The following CAPN15 variants were observed in gnomAD, a reference collection of about 807,000 sequenced individuals.
CAPN15 encodes the protein calpain 15.
A neutral mutation model predicts 97.9 loss-of-function variants in CAPN15; 53 were observed. That is an observed-to-expected ratio of 0.54 (90% CI 0.43 to 0.68). CAPN15 has a LOEUF of 0.68. Ranked by LOEUF, CAPN15 falls within the 30% of genes least tolerant of loss-of-function variation. The pLI is 0.00. For synonymous variants in CAPN15, 922 were observed against 722.5 expected (o/e 1.28, Z -4.43); for missense variants, 1,592 against 1,589.8 (o/e 1.00, Z -0.02).
At chr16:537,326 G>A in intron 3 of CAPN15, 1 of 985,552 alleles carries the variant, frequency 1.0e-6, no homozygotes, top group Non-Finnish European at 1.2e-6. Context: ...TGCCCTGGGT[G>A]CAGCTGGGCA....
chr16:537,142 C>T (rs1168650263), intron 3 of CAPN15: 4 of 985,394 alleles, frequency 4.1e-6, no homozygotes, highest in Non-Finnish European at 4.8e-6. Context: ...AGGGTCCTCT[C>T]TTCTCTTCCG....
Position 551,386 on chromosome 16 carries a change from T to G in CAPN15, c.2151T>G (p.His717Gln). 1 of 1,610,624 alleles carries G rather than the reference T, an allele frequency of 6.2e-7. No homozygotes were observed. The highest frequency in any genetic ancestry group is 8.5e-7 in the Non-Finnish European group (1 of 1,178,842). ...AGAGCCTGGGCCTGCGCCCCCGGCA[T>G]GCCTACTCCATCCTGGATGTCCGAG... The part of the protein sequence containing the change: ...AYESLGLRPR[H>Q]AYSILDVRDV... Residue 717 changes from histidine (H) to glutamine (Q), a missense_variant, in exon 8 of 14, where the codon CAT becomes CAG. Transcript: ENST00000219611.
chr16:549,884 C>A, intron 7 of CAPN15, 46 bp downstream of exon 7: 1 of 1,426,784 alleles, frequency 7.0e-7, no homozygotes, highest in Non-Finnish European at 9.6e-7. Context: ...GGAGGAGAGG[C>A]GAGGCGGAGC....
chr16:550,529 G>A (rs574205229), intron 7 of CAPN15, among the ~76,000 whole-genome samples: 7 of 152,362 alleles, frequency 4.6e-5, no homozygotes, highest in South Asian at 2.1e-4. Context: ...CGCGGCCAGC[G>A]AGGGCACTGG....
Position 535,625 on chromosome 16 carries a change from C to T in CAPN15, c.-136-404C>T, listed in dbSNP as rs922978054. Among the ~76,000 whole-genome samples, 3 of 152,190 alleles carry T rather than the reference C, an allele frequency of 2.0e-5. No homozygotes were observed. The highest frequency in any genetic ancestry group is 4.4e-5 in the Non-Finnish European group (3 of 68,018). On this transcript the variant is annotated intron_variant, in intron 2 of 13. Transcript: ENST00000219611. The surrounding 1 kb of genome is among the most constrained non-coding windows in gnomAD (Gnocchi z 6.2). Reference sequence around the variant, plus strand: ...CTTGTGGGGGTCAGGCATGGATCCACACAGCCCGGGGCCCTCCGCACCCTG... The same window carrying T: ...CTTGTGGGGGTCAGGCATGGATCCATACAGCCCGGGGCCCTCCGCACCCTG...
chr16:551,309 A>C lies in CAPN15; in HGVS notation c.2074A>C (p.Met692Leu), dbSNP rs767502397. 5 of 1,602,470 alleles carry C rather than the reference A, an allele frequency of 3.1e-6. No individual in the cohort carries two copies. The South Asian group carries it at 4.4e-5, about 14-fold the overall frequency. Residue 692 changes from methionine to leucine, a missense_variant, in exon 8 of 14, where the codon ATG becomes CTG. Met to Leu is a conservative substitution (Grantham distance 15). Transcript: ENST00000219611. ...MLSSKEAGFL[M>L]GASCGGGNMK... is the part of the protein sequence containing the mutation. ...GGCCGCTCTGCCACACAGGTTCCTC[A>C]TGGGTGCCTCCTGTGGCGGGGGCAA...
chr16:541,759 G>A (rs1465782765), intron 3 of CAPN15, among the ~76,000 whole-genome samples: 2 of 152,250 alleles, frequency 1.3e-5, no homozygotes, highest in Non-Finnish European at 2.9e-5. Context: ...ACAGCATCCC[G>A]CAGCCCAGAG....
intron 5 of CAPN15, 40 bp downstream of exon 5, chr16:549,241 GGC>G: frequency 2.2e-6 from 1 of 448,088 alleles, no homozygotes; most frequent in Non-Finnish European, 4.5e-6. Flanking sequence ...CGGGTGGGCG[GGC>G]GACCGGCCGC....
At position 552,203 on chromosome 16, in the gene CAPN15, A is replaced by AG. The variant is rs2035136161; in HGVS notation, c.2501dup (p.Ser835GlnfsTer39). On this transcript the variant is annotated frameshift_variant, in exon 10 of 14. Transcript: ENST00000219611. LOFTEE classifies it high-confidence loss of function. This position sits in a 1 kb window ranked among gnomAD's most constrained non-coding sequence, Gnocchi z 6.4. ...TCGCTGGAGTTCGCGCTCTTCCAGG[A>AG]GGGCAGCAGGTGGGTGCTGCGGGGC... The AG allele has an allele frequency of 1.3e-6, 2 of 1,533,792 alleles. No individual in the cohort carries two copies. Among genetic ancestry groups the AG allele is most frequent in the Non-Finnish European group, 1.8e-6 (2 of 1,137,746 alleles).
At chr16:548,915 C>G in intron 4 of CAPN15, 78 bp from the exon 5 acceptor site, 1 of 1,374,644 alleles carries the variant, frequency 7.3e-7, no homozygotes, top group Non-Finnish European at 1.0e-6. Context: ...TGGGCGCTCT[C>G]CTGGGTGGGG....
intron 4 of CAPN15, among the ~76,000 whole-genome samples, chr16:548,516 C>T (rs1383761903): frequency 6.6e-6 from 1 of 152,234 alleles, no homozygotes; most frequent in Non-Finnish European, 1.5e-5. Context: ...CGACCTTCAC[C>T]CCCCTCAACC....
At position 547,266 on chromosome 16, in the gene CAPN15, C is replaced by G. The variant is rs112599163; in HGVS notation, c.428C>G (p.Pro143Arg). The G allele has an allele frequency of 6.4e-3, 9,651 of 1,509,252 alleles. 493 individuals carry two copies. In the African/African-American group the frequency reaches 0.12, roughly 18 times the overall value. 93.5% of individuals were successfully genotyped at this position (1,509,252 alleles called of 1,614,324 possible). ...EQEEEEGAAEPRGGWACPRCT... is the reference protein window; with the variant it reads ...EQEEEEGAAERRGGWACPRCT... Reference sequence around the variant, plus strand: ...GAGGAGGAGGAGGGAGCGGCGGAGCCCAGAGGGGGCTGGGCGTGTCCGCGT... The same window carrying G: ...GAGGAGGAGGAGGGAGCGGCGGAGCGCAGAGGGGGCTGGGCGTGTCCGCGT... The change falls in exon 4 of 14, where the codon CCC (proline) becomes CGC (arginine). Residue 143 changes from proline (P) to arginine (R), a missense_variant. Pro to Arg is a moderately radical substitution (Grantham distance 103, BLOSUM62 -2). This residue lies in a region of CAPN15 where 883 missense variants were observed against 776.6 expected (regional missense o/e 1.14). Transcript: ENST00000219611.
rs999125580 is a variant in CAPN15, at chr16:535,580, C to T, written c.-136-449C>T. Among the ~76,000 whole-genome samples, 3 of 152,102 alleles carry T rather than the reference C, an allele frequency of 2.0e-5. No homozygotes were observed. Among genetic ancestry groups the T allele is most frequent in the Non-Finnish European group, 2.9e-5 (2 of 68,004 alleles). ...CTAGGGCATCGGCTCCCAGGGAGGGCGGGGAGCTGCACAGTTGGACTTGTG... is the reference window on the plus strand; with the variant it reads ...CTAGGGCATCGGCTCCCAGGGAGGGTGGGGAGCTGCACAGTTGGACTTGTG... On this transcript the variant is annotated intron_variant, in intron 2 of 13. Transcript: ENST00000219611. The surrounding 1 kb of genome is among the most constrained non-coding windows in gnomAD (Gnocchi z 6.2).
intron 1 of CAPN15, among the ~76,000 whole-genome samples, chr16:529,068 C>T (rs906525186): frequency 6.6e-6 from 1 of 152,138 alleles, no homozygotes; most frequent in Non-Finnish European, 1.5e-5. Flanking sequence ...TGCAGGAAAC[C>T]AGCTTGGCCT....
At chr16:550,644 GT>G (rs1328610214) in intron 7 of CAPN15, among the ~76,000 whole-genome samples, 11 of 151,824 alleles carry the variant, frequency 7.2e-5, no homozygotes, top group African/African-American at 2.7e-4. Context: ...GTCAGTGAGG[GT>G]TCCCTGTCGG....
At position 546,833 on chromosome 16, in the gene CAPN15, G is replaced by C. The variant is rs780876088; in HGVS notation, c.-6G>C. ...CCCTTGCAGCCACACCCACTCGCCC[G>C]GGTCTATGGCCACGGTCGGAGAGTG... On this transcript the variant is annotated 5_prime_UTR_variant, in exon 4 of 14. Transcript: ENST00000219611. 5 of 1,594,584 alleles carry C rather than the reference G, an allele frequency of 3.1e-6. No individual in the cohort carries two copies. Among genetic ancestry groups the C allele is most frequent in the Admixed American group, 3.4e-5 (2 of 59,024 alleles).
intron 1 of CAPN15, chr16:528,711 C>A: frequency 1.0e-6 from 1 of 985,398 alleles, no homozygotes; most frequent in Non-Finnish European, 1.2e-6. Context: ...AGTTTGTTAC[C>A]GGACTGCAGG....
chr16:533,756 G>T (rs1294638241), intron 1 of CAPN15, among the ~76,000 whole-genome samples, 190 bp from the exon 2 acceptor site: 3 of 152,134 alleles, frequency 2.0e-5, no homozygotes, highest in Admixed American at 2.0e-4. Flanking sequence ...TGCTCCCCGG[G>T]CTGCCTTTGG....
At position 554,449 on chromosome 16, in the gene CAPN15, A is replaced by G. The variant is rs1268808995; in HGVS notation, c.*933A>G. ...CCGGGGCCTTTTCACCTGGAGAAAC[A>G]TTCCCACTCCCCTTTGGCCTCCCTG... On this transcript the variant is annotated 3_prime_UTR_variant, in exon 14 of 14. Transcript: ENST00000219611. 1 of 449,286 alleles carries G rather than the reference A, an allele frequency of 2.2e-6. No individual in the cohort carries two copies. Among genetic ancestry groups the G allele is most frequent in the African/African-American group, 2.0e-5 (1 of 49,788 alleles). 27.8% of individuals were successfully genotyped at this position (449,286 alleles called of 1,614,324 possible). A position where few individuals can be genotyped will look rare whatever the true frequency, so the allele number is the denominator to read the frequency against.
Sources: allele counts gnomAD v4.1 joint callset (sites outside exome capture counted in the v4.1 genomes callset), GRCh38; gene constraint gnomAD v4.1.1; regional missense constraint gnomAD v4.1.1; non-coding constraint Gnocchi (gnomAD v3.1); transcripts MANE v1.5; gene names NCBI Gene and HGNC (gene_info 2026-07-23, HGNC 2026-07-21).